The following HYCC2 variants were observed in gnomAD, a reference collection of about 807,000 sequenced individuals.
The protein encoded by HYCC2 is hyccin 2.
chr2:201,008,484 G>A, the HYCC2 span, among the ~76,000 whole-genome samples: 9 of 152,158 alleles, frequency 5.9e-5, no homozygotes, highest in Non-Finnish European at 1.3e-4. Context: ...TGTTAGCTGA[G>A]TGCAGTGGTG....
the HYCC2 span, among the ~76,000 whole-genome samples, chr2:201,064,909 T>C: frequency 0.03 from 4,573 of 152,312 alleles, 110 homozygotes; most frequent in Middle Eastern, 0.088. Flanking sequence ...TGGGAACACC[T>C]TGAATAACTA....
the HYCC2 span, among the ~76,000 whole-genome samples, chr2:200,983,572 T>A: frequency 6.6e-6 from 1 of 152,208 alleles, no homozygotes; most frequent in Non-Finnish European, 1.5e-5. Context: ...CTAAGAACAG[T>A]AGCAGCTGAC....
the HYCC2 span, among the ~76,000 whole-genome samples, chr2:201,045,182 A>G: frequency 2.4e-4 from 36 of 152,358 alleles, no homozygotes; most frequent in African/African-American, 8.4e-4. Flanking sequence ...CGGCACAGAT[A>G]TAGAATATAG....
chr2:200,977,306 T>A, the HYCC2 span: 1 of 152,148 alleles, frequency 6.6e-6, no homozygotes, highest in Non-Finnish European at 1.5e-5. Context: ...TGATTCTGGC[T>A]CTGCTTTAGG....
At chr2:201,020,085 G>GA in the HYCC2 span, among the ~76,000 whole-genome samples, 1 of 151,780 alleles carries the variant, frequency 6.6e-6, no homozygotes, top group Non-Finnish European at 1.5e-5. Context: ...CCCTGGCTCA[G>GA]AAAAAAACAA....
chr2:200,992,283 A>G, the HYCC2 span: 6 of 1,582,680 alleles, frequency 3.8e-6, no homozygotes, highest in East Asian at 6.7e-5. Flanking sequence ...TAACTTACCA[A>G]TAGTGGTTGA....
the HYCC2 span, among the ~76,000 whole-genome samples, chr2:201,035,150 C>T: frequency 1.3e-5 from 2 of 152,258 alleles, no homozygotes; most frequent in South Asian, 4.1e-4. Context: ...TGTTGGCCTG[C>T]CTTGCTAGAT....
chr2:201,002,526 A>G, the HYCC2 span, among the ~76,000 whole-genome samples: 120 of 150,808 alleles, frequency 8.0e-4, no homozygotes, highest in Non-Finnish European at 1.4e-3. Flanking sequence ...AAAAGCAGAG[A>G]TTCTTTTTTT....
the HYCC2 span, chr2:201,066,987 A>T: frequency 3.3e-6 from 1 of 306,950 alleles, no homozygotes; most frequent in Non-Finnish European, 6.4e-6. Flanking sequence ...TTCACCATGA[A>T]GAAGATAGAA....
At chr2:200,995,256 C>G in the HYCC2 span, among the ~76,000 whole-genome samples, 1 of 151,990 alleles carries the variant, frequency 6.6e-6, no homozygotes, top group Non-Finnish European at 1.5e-5. Flanking sequence ...TTTAGATGGG[C>G]AAAATTAATA....
At chr2:200,980,787 A>G in the HYCC2 span, 1 of 160,200 alleles carries the variant, frequency 6.2e-6, no homozygotes, top group East Asian at 1.8e-4. Flanking sequence ...GTCCAAAGTC[A>G]TAGCAGAATC....
the HYCC2 span, among the ~76,000 whole-genome samples, chr2:200,994,175 A>C: frequency 6.6e-6 from 1 of 152,198 alleles, no homozygotes; most frequent in Non-Finnish European, 1.5e-5. Flanking sequence ...ACATATATTT[A>C]AAACAGTGAC....
chr2:201,065,505 C>A, the HYCC2 span, among the ~76,000 whole-genome samples: 1 of 152,218 alleles, frequency 6.6e-6, no homozygotes, highest in African/African-American at 2.4e-5. Context: ...GATAAGGACA[C>A]TGAGATGTAA....
the HYCC2 span, chr2:200,987,415 G>C: frequency 2.3e-6 from 3 of 1,289,756 alleles, no homozygotes; most frequent in Non-Finnish European, 3.0e-6. Flanking sequence ...ATGCTCAGGG[G>C]TCCTGCGCAC....
chr2:201,012,242 T>G, the HYCC2 span, among the ~76,000 whole-genome samples: 1 of 152,182 alleles, frequency 6.6e-6, no homozygotes, highest in East Asian at 1.9e-4. Context: ...GTCGGATCGC[T>G]TCAGCTCAGA....
chr2:200,992,272 A>G, the HYCC2 span: 4 of 1,525,634 alleles, frequency 2.6e-6, no homozygotes, highest in East Asian at 2.3e-5. Flanking sequence ...AGTTAAGATA[A>G]TAACTTACCA....
the HYCC2 span, among the ~76,000 whole-genome samples, chr2:201,037,224 G>T: frequency 6.6e-6 from 1 of 152,134 alleles, no homozygotes; most frequent in Admixed American, 6.5e-5. Context: ...ACAAACCACT[G>T]CTCAATGAAA....
At chr2:201,011,342 T>C in the HYCC2 span, 1 of 1,075,358 alleles carries the variant, frequency 9.3e-7, no homozygotes, top group Non-Finnish European at 1.3e-6. Context: ...ACTTTTTGAT[T>C]TGTTACTCAA....
At chr2:201,018,186 G>A in the HYCC2 span, among the ~76,000 whole-genome samples, 2 of 151,962 alleles carry the variant, frequency 1.3e-5, no homozygotes, top group Non-Finnish European at 2.9e-5. Flanking sequence ...TGAAGAAAAT[G>A]AGCAGTTAAA....
Sources: gnomAD v4.1 joint callset for allele counts (sites outside exome capture counted in the v4.1 genomes callset) on GRCh38, gnomAD v4.1.1 for gene constraint, MANE v1.5 for transcripts, NCBI Gene and HGNC (gene_info 2026-07-23, HGNC 2026-07-21) for gene names.